The following BIRC5 variants were observed in gnomAD, a reference collection of about 807,000 sequenced individuals.
BIRC5 encodes baculoviral IAP repeat-containing protein 5.
BIRC5 carries 8 observed loss-of-function variants against 15.8 expected under a neutral mutation model. That is an observed-to-expected ratio of 0.51 (90% CI 0.30 to 0.91). The LOEUF (loss-of-function observed/expected upper bound fraction) is 0.91. Among genes scored for constraint, BIRC5 ranks in the 40% least tolerant of loss-of-function variants. The pLI, the probability that BIRC5 is intolerant of heterozygous loss-of-function variation, is 0.07. For missense variants in BIRC5, 163 were observed against 178.6 expected (o/e 0.91, Z 0.50); for synonymous variants, 56 against 64.5 (o/e 0.87, Z 0.63).
chr17:78,221,847 T>C (rs17560539), intron 3 of BIRC5, among the ~76,000 whole-genome samples: 1,827 of 152,322 alleles, frequency 0.012, 117 homozygotes, highest in Admixed American at 0.11. Flanking sequence ...CATCTTTCCA[T>C]ATCAGTAAAG....
intron 2 of BIRC5, chr17:78,216,059 C>T: frequency 1.2e-6 from 1 of 812,514 alleles, no homozygotes; most frequent in Non-Finnish European, 1.5e-6. Flanking sequence ...ACCATCTTGG[C>T]TAATACGGTG....
intron 3 of BIRC5, among the ~76,000 whole-genome samples, chr17:78,220,320 C>T (rs1361932925): frequency 1.3e-5 from 2 of 151,814 alleles, no homozygotes; most frequent in African/African-American, 2.4e-5. Context: ...CCCAGCTACT[C>T]GGGAGGCTGA....
chr17:78,220,253 C>A (rs2076506010), intron 3 of BIRC5, among the ~76,000 whole-genome samples: 1 of 152,130 alleles, frequency 6.6e-6, no homozygotes, highest in Admixed American at 6.5e-5. Flanking sequence ...ATGGTGAAAC[C>A]CCGTCTTTAC....
chr17:78,222,751 G>T (rs752491909), intron 3 of BIRC5: 41 of 1,500,818 alleles, frequency 2.7e-5, no homozygotes, highest in Non-Finnish European at 3.5e-5. Context: ...ATGTAGTAGA[G>T]GAGTTAGGGT....
At chr17:78,215,255 A>G (rs1028869305) in intron 2 of BIRC5, among the ~76,000 whole-genome samples, 10 of 152,078 alleles carry the variant, frequency 6.6e-5, no homozygotes, top group African/African-American at 2.2e-4. Context: ...CGTCTCTACT[A>G]AAAATACAAA....
Position 78,214,445 on chromosome 17 carries a change from C to G in BIRC5, c.111+18C>G, listed in dbSNP as rs1022618408. On this transcript the variant is annotated intron_variant, in intron 1 of 3. Transcript: ENST00000350051. Reference sequence around the variant, plus strand: ...CGGAGCGGGTGAGACTGCCCGGCCTCCTGGGGTCCCCCACGCCCGCCTTGC... The same window carrying G: ...CGGAGCGGGTGAGACTGCCCGGCCTGCTGGGGTCCCCCACGCCCGCCTTGC... 2.0e-6 allele frequency: 3 copies of G among 1,526,674 alleles called. No individual in the cohort carries two copies. The highest frequency in any genetic ancestry group is 1.4e-5 in the African/African-American group (1 of 71,920). The allele number at this position is 1,526,674 out of a possible 1,614,324, so 94.6% of individuals were successfully genotyped here.
At position 78,214,345 on chromosome 17, in the gene BIRC5, G is replaced by C. The variant is rs1358585706; in HGVS notation, c.29G>C (p.Trp10Ser). 6.2e-7 allele frequency: 1 copy of C among 1,608,946 alleles called. No homozygotes were observed. The highest frequency in any genetic ancestry group is 8.5e-7 in the Non-Finnish European group (1 of 1,178,100). ...GGTGCCCCGACGTTGCCCCCTGCCT[G>C]GCAGCCCTTTCTCAAGGACCACCGC... MGAPTLPPA[W>S]QPFLKDHRIS... is the part of the protein sequence containing the mutation. Residue 10 changes from tryptophan (W) to serine (S), a missense_variant, in exon 1 of 4, where the codon TGG becomes TCG. Coordinates refer to ENST00000350051, the MANE Select transcript of BIRC5 (RefSeq NM_001168.3).
At chr17:78,223,084 A>G (rs1176935400) in intron 3 of BIRC5, 4 of 1,203,768 alleles carry the variant, frequency 3.3e-6, no homozygotes, top group Non-Finnish European at 4.4e-6. Flanking sequence ...TGCCTAGACT[A>G]GCTGGGTACT....
Position 78,217,730 on chromosome 17 carries a change from C to T in BIRC5, c.339+949C>T, listed in dbSNP as rs964865609. 3.3e-5 allele frequency among the ~76,000 whole-genome samples: 5 copies of T among 151,772 alleles called. No homozygotes were observed. In the East Asian group the frequency reaches 5.8e-4, roughly 18 times the overall value. On this transcript the variant is annotated intron_variant, in intron 3 of 3. Coordinates refer to ENST00000350051, the MANE Select transcript of BIRC5 (RefSeq NM_001168.3). ...GCCAGGAGGGTCTCGATCTCCTGAC[C>T]TCGTGATCTGCCTGCCTCGGCCTCC...
At chr17:78,216,467 G>T in intron 2 of BIRC5, 197 bp from the exon 3 acceptor site, 1 of 541,406 alleles carries the variant, frequency 1.8e-6, no homozygotes. Context: ...TCCACAGGGA[G>T]AGAGAAGGTG....
chr17:78,216,872 C>A, intron 3 of BIRC5, 91 bp downstream of exon 3: 3 of 995,060 alleles, frequency 3.0e-6, no homozygotes, highest in Non-Finnish European at 3.0e-6. Flanking sequence ...GTGTTTTCCT[C>A]AGGAAGCATT....
chr17:78,214,700 C>T lies in BIRC5; in HGVS notation c.132C>T (p.Ile44=). The T allele has an allele frequency of 6.2e-7, 1 of 1,608,378 alleles. No homozygotes were observed. The highest frequency in any genetic ancestry group is 8.5e-7 in the Non-Finnish European group (1 of 1,177,872). The part of the protein sequence containing the change: ...TPERMAEAGF[I]HCPTENEPDL... Reference sequence around the variant, plus strand: ...TGCAGATGGCCGAGGCTGGCTTCATCCACTGCCCCACTGAGAACGAGCCAG... The same window carrying T: ...TGCAGATGGCCGAGGCTGGCTTCATTCACTGCCCCACTGAGAACGAGCCAG... The change falls in exon 2 of 4, where the codon ATC becomes ATT. Residue 44 remains isoleucine (I), a synonymous_variant. Transcript: ENST00000350051.
intron 3 of BIRC5, among the ~76,000 whole-genome samples, chr17:78,220,435 A>G (rs1292892376): frequency 1.3e-5 from 2 of 151,918 alleles, no homozygotes; most frequent in East Asian, 1.9e-4. Flanking sequence ...CTCAAAAAAA[A>G]AAAAAAAAAG....
In BIRC5 at chr17:78,214,417, C is replaced by A. The variant is rs754589913; in HGVS notation, c.101C>A (p.Thr34Asn). 6.3e-7 allele frequency: 1 copy of A among 1,579,028 alleles called. No individual in the cohort carries two copies. Among genetic ancestry groups the A allele is most frequent in the Non-Finnish European group, 8.6e-7 (1 of 1,161,644 alleles). The stretch of plus-strand genomic sequence containing the variant: ...CCCTTCTTGGAGGGCTGCGCCTGCA[C>A]CCCGGAGCGGGTGAGACTGCCCGGC... The part of the protein sequence containing the change: ...NWPFLEGCAC[T>N]PERMAEAGFI... The change falls in exon 1 of 4, where the codon ACC becomes AAC. Residue 34 changes from threonine (T) to asparagine (N), a missense_variant. Physicochemically the swap from Thr to Asn is moderately conservative, Grantham distance 65 (BLOSUM62 0). Transcript: ENST00000350051.
At chr17:78,215,331 C>T (rs1390272892) in intron 2 of BIRC5, among the ~76,000 whole-genome samples, 1 of 151,952 alleles carries the variant, frequency 6.6e-6, no homozygotes, top group East Asian at 1.9e-4. Flanking sequence ...GCAGGAGAAT[C>T]GCTTGAACCT....
Position 78,216,726 on chromosome 17 carries a change from A to G in BIRC5, c.284A>G (p.Glu95Gly), listed in dbSNP as rs2145894561. 2.5e-6 allele frequency: 4 copies of G among 1,614,090 alleles called. No homozygotes were observed. Among genetic ancestry groups the G allele is most frequent in the East Asian group, 2.2e-5 (1 of 44,882 alleles). Residue 95 changes from glutamate (E) to glycine (G), a missense_variant, in exon 3 of 4, where the codon GAA becomes GGA. Glu to Gly is a moderately conservative substitution (Grantham distance 98). Transcript: ENST00000350051. ...AFLSVKKQFE[E>G]LTLGEFLKLD... ...CTTTCTGTCAAGAAGCAGTTTGAAG[A>G]ATTAACCCTTGGTGAATTTTTGAAA...
chr17:78,215,038 A>T, intron 2 of BIRC5: 1 of 433,760 alleles, frequency 2.3e-6, no homozygotes, highest in Non-Finnish European at 4.3e-6. Context: ...TCAACAGAAT[A>T]CATCAGCAGA....
Position 78,223,704 on chromosome 17 carries a change from G to C in BIRC5, c.*150G>C, listed in dbSNP as rs766041929. The C allele has an allele frequency of 2.8e-6, 4 of 1,424,042 alleles. No individual in the cohort carries two copies. Among genetic ancestry groups the C allele is most frequent in the Non-Finnish European group, 9.3e-7 (1 of 1,076,862 alleles). The allele number at this position is 1,424,042 out of a possible 1,614,324, so 88.2% of individuals were successfully genotyped here. A position where few individuals can be genotyped will look rare whatever the true frequency, so the allele number is the denominator to read the frequency against. On this transcript the variant is annotated 3_prime_UTR_variant, in exon 4 of 4. Coordinates refer to ENST00000350051, the MANE Select transcript of BIRC5 (RefSeq NM_001168.3). Reference sequence around the variant, plus strand: ...AATTAGATGTTTCAACTGTGCTCTTGTTTTGTCTTGAAAGTGGCACCAGAG... The same window carrying C: ...AATTAGATGTTTCAACTGTGCTCTTCTTTTGTCTTGAAAGTGGCACCAGAG...
chr17:78,217,503 A>G (rs1282774748), intron 3 of BIRC5, among the ~76,000 whole-genome samples: 4 of 150,438 alleles, frequency 2.7e-5, no homozygotes, highest in East Asian at 2.0e-4. Context: ...TTTTAAATTT[A>G]TTTATTTATT....
Sources: allele counts gnomAD v4.1 joint callset (sites outside exome capture counted in the v4.1 genomes callset), GRCh38; gene constraint gnomAD v4.1.1; transcripts MANE v1.5; gene names NCBI Gene and HGNC (gene_info 2026-07-23, HGNC 2026-07-21).